KMT2C: variants seen among roughly 807,000 people sequenced by gnomAD.
KMT2C encodes lysine methyltransferase 2C.
In KMT2C, 88 loss-of-function variants were observed where a neutral mutation model predicts 507.9. The ratio of observed to expected loss-of-function variants is 0.17; its 90% confidence interval spans 0.15 to 0.21. The LOEUF (loss-of-function observed/expected upper bound fraction) is 0.21, where lower values mean the gene tolerates loss of function less well. Among genes scored for constraint, KMT2C ranks in the 10% least tolerant of loss-of-function variants. The pLI is 1.00. For synonymous variants in KMT2C, 2,049 were observed against 2,080.8 expected (o/e 0.98, Z 0.42); for missense variants, 4,954 against 5,957.8 (o/e 0.83, Z 5.55).
chr7:152,181,585 T>C lies in KMT2C; in HGVS notation c.6275A>G (p.Asp2092Gly), dbSNP rs140719911. 1 of 1,614,016 alleles carries C rather than the reference T, an allele frequency of 6.2e-7. No homozygotes were observed. Among genetic ancestry groups the C allele is most frequent in the Admixed American group, 1.7e-5 (1 of 60,020 alleles). The change falls in exon 36 of 59, where the codon GAT (aspartate) becomes GGT (glycine). Residue 2092 changes from aspartate (D) to glycine (G), a missense_variant. Asp to Gly is a moderately conservative substitution (Grantham distance 94, BLOSUM62 -1). Transcript: ENST00000262189. ...GGTAAGGGGAGGCTGACTATATGGA[T>C]CATTTGACTGATTATGAGAAAAATT... is the stretch of plus-strand genomic sequence containing the variant. ...IDNFSHNQSN[D>G]PYSQPPLTPH...
At chr7:152,325,466 G>GTT (rs1407175170) in intron 3 of KMT2C, among the ~76,000 whole-genome samples, 4 of 136,434 alleles carry the variant, frequency 2.9e-5, no homozygotes, top group African/African-American at 5.4e-5. Flanking sequence ...TTTTATGTGT[G>GTT]TTTTTTTTTT....
chr7:152,228,614 G>A (rs1479780947), intron 18 of KMT2C, among the ~76,000 whole-genome samples: 3 of 152,116 alleles, frequency 2.0e-5, no homozygotes, highest in Admixed American at 6.5e-5. Context: ...TATGTAAGTC[G>A]TACTCATCTG....
chr7:152,321,084 G>A (rs1049536719), intron 3 of KMT2C, among the ~76,000 whole-genome samples: 11 of 151,472 alleles, frequency 7.3e-5, no homozygotes, highest in African/African-American at 2.7e-4. Context: ...AAATACAAAA[G>A]TTAGCTGGGT....
chr7:152,366,754 C>T (rs1176922787), intron 1 of KMT2C: 1 of 192,694 alleles, frequency 5.2e-6, no homozygotes, highest in Non-Finnish European at 1.1e-5. Context: ...CACAGACGGC[C>T]GGGCGGGATG....
At chr7:152,408,300 A>C (rs527806988) in intron 1 of KMT2C, among the ~76,000 whole-genome samples, 233 of 152,042 alleles carry the variant, frequency 1.5e-3, no homozygotes, top group African/African-American at 5.4e-3. Flanking sequence ...AAAAAGAAAA[A>C]AAAAAATAGT....
At chr7:152,311,995 G>T in intron 4 of KMT2C, 49 bp from the exon 5 acceptor site, 1 of 1,469,822 alleles carries the variant, frequency 6.8e-7, no homozygotes, top group Non-Finnish European at 9.3e-7. Context: ...GCAGAAAATT[G>T]TTTCATTTTT....
intron 6 of KMT2C, among the ~76,000 whole-genome samples, chr7:152,306,402 CCTT>C (rs1471721474): frequency 6.6e-6 from 1 of 152,150 alleles, no homozygotes; most frequent in African/African-American, 2.4e-5. Context: ...ATCTCCACTC[CCTT>C]CTTCTCCCTC....
chr7:152,174,032 G>T (rs2093083050), intron 39 of KMT2C, 99 bp downstream of exon 39: 2 of 662,100 alleles, frequency 3.0e-6, no homozygotes, highest in Non-Finnish European at 5.3e-6. Flanking sequence ...TTCATTCCTA[G>T]ACAAGGGCTT....
intron 46 of KMT2C, chr7:152,155,143 A>C (rs2091952695): frequency 6.6e-6 from 1 of 152,240 alleles, no homozygotes; most frequent in Non-Finnish European, 1.5e-5. Flanking sequence ...CACGCAGAGA[A>C]GTAGCTGTCA....
intron 10 of KMT2C, 127 bp from the exon 11 acceptor site, chr7:152,252,217 GAGTTGCTAA>G: frequency 1.5e-6 from 1 of 683,656 alleles, no homozygotes; most frequent in South Asian, 2.5e-5. Flanking sequence ...GAGGTTAGAG[GAGTTGCTAA>G]CTGACAAAGG....
chr7:152,425,980 C>T (rs895584279), intron 1 of KMT2C, among the ~76,000 whole-genome samples: 4 of 152,066 alleles, frequency 2.6e-5, no homozygotes, highest in South Asian at 2.1e-4. Context: ...TAAAAATCTA[C>T]TCTAACAACA....
chr7:152,330,357 T>G (rs1236896195), intron 3 of KMT2C, among the ~76,000 whole-genome samples: 13 of 152,156 alleles, frequency 8.5e-5, no homozygotes. Context: ...GGTAATATTC[T>G]GTACTGGCCT....
chr7:152,151,029 GTGGGA>G, intron 50 of KMT2C, 22 bp from the exon 51 acceptor site: 2 of 1,435,344 alleles, frequency 1.4e-6, no homozygotes. Flanking sequence ...AGAGAAATGT[GTGGGA>G]ATCTCAACAA....
rs2129097461 is a variant in KMT2C at position 152,152,735 on chromosome 7, G to A, written c.12496C>T (p.Pro4166Ser). Reference protein sequence around the residue: ...RLVSSYRLKQPNVPFPPTSNG... With the variant: ...RLVSSYRLKQSNVPFPPTSNG... ...CTTGTTGGAGGAAATGGTACATTAG[G>A]CTGCTTCAGCCGGTAAGAGCTCACT... is the stretch of plus-strand genomic sequence containing the variant. Residue 4166 changes from proline to serine, a missense_variant, in exon 49 of 59, where the codon CCT becomes TCT. Pro to Ser is a moderately conservative substitution (Grantham distance 74, BLOSUM62 -1). Transcript: ENST00000262189. 1 of 1,614,154 alleles carries A rather than the reference G, an allele frequency of 6.2e-7. No individual in the cohort carries two copies. Among genetic ancestry groups the A allele is most frequent in the Non-Finnish European group, 8.5e-7 (1 of 1,180,030 alleles).
At chr7:152,330,316 C>T (rs1395128060) in intron 3 of KMT2C, among the ~76,000 whole-genome samples, 1 of 152,064 alleles carries the variant, frequency 6.6e-6, no homozygotes, top group Non-Finnish European at 1.5e-5. Flanking sequence ...TAAATGCTCA[C>T]ATTTATGTCT....
chr7:152,163,620 A>G lies in KMT2C; in HGVS notation c.9957T>C (p.Val3319=). The G allele has an allele frequency of 6.2e-7, 1 of 1,609,264 alleles. No homozygotes were observed. Among genetic ancestry groups the G allele is most frequent in the Non-Finnish European group, 8.5e-7 (1 of 1,177,142 alleles). Reference sequence around the variant, plus strand: ...TAACAGGGCTAGTATGGCCAGAAATAACTGTTGTGTGCTGCTGGTGCTGAA... The same window carrying G: ...TAACAGGGCTAGTATGGCCAGAAATGACTGTTGTGTGCTGCTGGTGCTGAA... ...QQLQHQQHTT[V]ISGHTSPVRM... is the part of the protein sequence containing the mutation. Residue 3319 remains valine, a synonymous_variant, in exon 43 of 59, where the codon GTT becomes GTC. Coordinates refer to ENST00000262189, the MANE Select transcript of KMT2C (RefSeq NM_170606.3).
chr7:152,201,617 G>GGAAAAAAAAAAAAAAAAAA (rs1491277955), intron 26 of KMT2C, among the ~76,000 whole-genome samples: 1 of 22,874 alleles, frequency 4.4e-5, no homozygotes, highest in African/African-American at 8.2e-5. Context: ...CAACAAAGAT[G>GGAAAAAAAAAAAAAAAAAA]AAAAAAAAAA....
rs1329212716 is a variant in KMT2C at position 152,147,726 on chromosome 7, AAAG to A, written c.13894+304_13894+306del. ...CCGTCTCAAAAAAAAAAAAAAAAAA[AAAG>A]AAAAAGAAAAAGAAAAAGGAGGTCC... On this transcript the variant is annotated intron_variant, in intron 52 of 58. Coordinates refer to ENST00000262189, the MANE Select transcript of KMT2C (RefSeq NM_170606.3). Among the ~76,000 whole-genome samples the A allele has an allele frequency of 8.1e-4, 109 of 134,226 alleles. 1 individual carries two copies. The highest frequency in any genetic ancestry group is 3.3e-3 in the African/African-American group (102 of 30,908). The allele number at this position is 134,226 out of a possible 152,430, so 88.1% of individuals were successfully genotyped here.
chr7:152,243,556 T>C (rs1365667033), intron 14 of KMT2C, among the ~76,000 whole-genome samples: 1 of 151,954 alleles, frequency 6.6e-6, no homozygotes, highest in Non-Finnish European at 1.5e-5. Context: ...ACAAGGCGGG[T>C]GGATCACCTG....
Sources: allele counts gnomAD v4.1 joint callset (sites outside exome capture counted in the v4.1 genomes callset), GRCh38; gene constraint gnomAD v4.1.1; transcripts MANE v1.5; gene names NCBI Gene and HGNC (gene_info 2026-07-23, HGNC 2026-07-21).